Variants in FXN observed in about 807,000 individuals in gnomAD.
FXN encodes the protein frataxin.
Under a neutral mutation model 22.4 loss-of-function variants are expected in FXN, and 14 were observed. That is an observed-to-expected ratio of 0.62 (90% CI 0.41 to 0.98). The LOEUF (loss-of-function observed/expected upper bound fraction) is 0.98. Ranked by LOEUF, FXN falls within the 50% of genes least tolerant of loss-of-function variation. The probability of loss-of-function intolerance (pLI) is 0.00; values close to 1 mark genes in which losing one functional copy is unlikely to be tolerated. For synonymous variants in FXN, 120 were observed against 114.1 expected (o/e 1.05, Z -0.33); for missense variants, 267 against 268.4 (o/e 0.99, Z 0.04).
chr9:69,038,610 G>A (rs1465923173), intron 1 of FXN, among the ~76,000 whole-genome samples: 2 of 152,114 alleles, frequency 1.3e-5, no homozygotes, highest in African/African-American at 2.4e-5. Flanking sequence ...TGGATCATCT[G>A]AGATCAGGAG....
rs148219670 is a variant in FXN at position 69,076,579 on chromosome 9, T to C, written c.*3817T>C. The C allele has an allele frequency of 1.3e-4, 132 of 985,452 alleles. No homozygotes were observed. In the African/African-American group the frequency reaches 2.2e-3, roughly 17 times the overall value. 61.0% of individuals were successfully genotyped at this position (985,452 alleles called of 1,614,324 possible). On this transcript the variant is annotated 3_prime_UTR_variant, in exon 5 of 5. Transcript: ENST00000484259. ...TTTGCATTAAATTATAGGTTTACAATATGCTTTATCCAGCTATACCTGCCC... is the reference window on the plus strand; with the variant it reads ...TTTGCATTAAATTATAGGTTTACAACATGCTTTATCCAGCTATACCTGCCC...
Position 69,076,947 on chromosome 9 carries a change from C to T in FXN, c.*4185C>T. 2 of 977,298 alleles carry T rather than the reference C, an allele frequency of 2.0e-6. No homozygotes were observed. Among genetic ancestry groups the T allele is most frequent in the Non-Finnish European group, 2.4e-6 (2 of 822,568 alleles). The allele number at this position is 977,298 out of a possible 1,614,324, so 60.5% of individuals were successfully genotyped here. On this transcript the variant is annotated 3_prime_UTR_variant, in exon 5 of 5. Transcript: ENST00000484259. ...TTTTCTTTTTTGAGACAGAGTCTTG[C>T]TCTGTCACCCAGGCTGGAGTGCAGT...
At chr9:69,046,255 C>T in intron 1 of FXN, 130 bp from the exon 2 acceptor site, 1 of 727,676 alleles carries the variant, frequency 1.4e-6, no homozygotes. Flanking sequence ...AACATATTCC[C>T]TTTTTCTTAG....
intron 1 of FXN, among the ~76,000 whole-genome samples, chr9:69,043,736 A>G (rs1831697580): frequency 1.3e-5 from 2 of 152,164 alleles, no homozygotes; most frequent in South Asian, 2.1e-4. Flanking sequence ...GGCACATGTC[A>G]TCACGCCTTG....
chr9:69,072,176 G>A (rs1307983337), intron 4 of FXN, among the ~76,000 whole-genome samples: 1 of 152,194 alleles, frequency 6.6e-6, no homozygotes, highest in Non-Finnish European at 1.5e-5. Flanking sequence ...TGTACTAAAT[G>A]CCACCAAATT....
chr9:69,046,254 C>G, intron 1 of FXN, 131 bp from the exon 2 acceptor site: 1 of 720,050 alleles, frequency 1.4e-6, no homozygotes, highest in Admixed American at 2.1e-5. Flanking sequence ...CAACATATTC[C>G]CTTTTTCTTA....
intron 2 of FXN, among the ~76,000 whole-genome samples, chr9:69,050,152 T>C (rs1831824510): frequency 6.6e-6 from 1 of 152,240 alleles, no homozygotes; most frequent in Non-Finnish European, 1.5e-5. Flanking sequence ...AGTATAAACA[T>C]GTTTGTGTAT....
intron 2 of FXN, among the ~76,000 whole-genome samples, chr9:69,052,688 A>G (rs1018550331): frequency 2.0e-5 from 3 of 151,630 alleles, no homozygotes; most frequent in Admixed American, 6.6e-5. Context: ...GACTACAGGC[A>G]CCCGTCACCA....
chr9:69,078,475 C>G lies in FXN; in HGVS notation c.*5713C>G, dbSNP rs1252901120. On this transcript the variant is annotated 3_prime_UTR_variant, in exon 5 of 5. Coordinates refer to ENST00000484259, the MANE Select transcript of FXN (RefSeq NM_000144.5). ...TCTCTCAGCCCATCATCTAGCTACA[C>G]AGTCTCCAGGGTAAGCTTTCAGAAA... 1 of 984,458 alleles carries G rather than the reference C, an allele frequency of 1.0e-6. No individual in the cohort carries two copies. The highest frequency in any genetic ancestry group is 1.1e-4 in the East Asian group (1 of 8,764). The allele number at this position is 984,458 out of a possible 1,614,324, so 61.0% of individuals were successfully genotyped here.
intron 3 of FXN, among the ~76,000 whole-genome samples, chr9:69,063,147 C>A (rs1397338319): frequency 6.6e-6 from 1 of 152,102 alleles, no homozygotes; most frequent in East Asian, 1.9e-4. Flanking sequence ...TGCAGTGAGC[C>A]ATGATCCTGC....
rs972742267 is a variant in FXN at position 69,076,474 on chromosome 9, G to A, written c.*3712G>A. Reference sequence around the variant, plus strand: ...TTCTGATTCCCTGGAACCATTTATCGTGTGCCTTACCATGCTTATATTTTA... The same window carrying A: ...TTCTGATTCCCTGGAACCATTTATCATGTGCCTTACCATGCTTATATTTTA... On this transcript the variant is annotated 3_prime_UTR_variant, in exon 5 of 5. Transcript: ENST00000484259. The A allele has an allele frequency of 2.1e-5, 21 of 985,282 alleles. No individual in the cohort carries two copies. The highest frequency in any genetic ancestry group is 2.3e-4 in the East Asian group (2 of 8,824). The allele number at this position is 985,282 out of a possible 1,614,324, so 61.0% of individuals were successfully genotyped here. A position where few individuals can be genotyped will look rare whatever the true frequency, so the allele number is the denominator to read the frequency against.
intron 3 of FXN, among the ~76,000 whole-genome samples, chr9:69,063,923 A>G (rs377350163): frequency 5.9e-5 from 9 of 152,334 alleles, no homozygotes; most frequent in African/African-American, 2.2e-4. Flanking sequence ...GGCTCAAGCC[A>G]TCTGCCTGCC....
intron 2 of FXN, among the ~76,000 whole-genome samples, chr9:69,051,898 A>G (rs1831855598): frequency 6.6e-6 from 1 of 152,152 alleles, no homozygotes; most frequent in Non-Finnish European, 1.5e-5. Flanking sequence ...CCCAGGCTGG[A>G]GTGCAGTGGT....
At chr9:69,050,817 G>C (rs1472280973) in intron 2 of FXN, among the ~76,000 whole-genome samples, 1 of 142,004 alleles carries the variant, frequency 7.0e-6, no homozygotes, top group South Asian at 2.2e-4. Context: ...TTTTGCTCTT[G>C]TTGCCCAGGC....
At position 69,055,594 on chromosome 9, in the gene FXN, A is replaced by C. The variant is rs567452359; in HGVS notation, c.384+2334A>C. Among the ~76,000 whole-genome samples the C allele has an allele frequency of 3.0e-3, 455 of 150,888 alleles. 1 individual carries two copies. Among genetic ancestry groups the C allele is most frequent in the Non-Finnish European group, 5.1e-3 (347 of 67,760 alleles). ...CTGCAACCTCTGCCTCCCAGGTTCA[A>C]GCGATTCTCCCGCCTCAACCTCCTG... On this transcript the variant is annotated intron_variant, in intron 3 of 4. Coordinates refer to ENST00000484259, the MANE Select transcript of FXN (RefSeq NM_000144.5).
At chr9:69,035,989 G>C (rs946078862) in intron 1 of FXN, 42 bp downstream of exon 1, 1 of 1,369,114 alleles carries the variant, frequency 7.3e-7, no homozygotes. Flanking sequence ...CGCACGCCGC[G>C]GGCCGCACGC....
intron 1 of FXN, 28 bp from the exon 2 acceptor site, chr9:69,046,357 T>C: frequency 2.0e-6 from 3 of 1,538,426 alleles, no homozygotes; most frequent in Non-Finnish European, 2.7e-6. Context: ...TGAAAAATAG[T>C]AACGTACTTC....
Position 69,075,782 on chromosome 9 carries a change from G to A in FXN, c.*3020G>A. On this transcript the variant is annotated 3_prime_UTR_variant, in exon 5 of 5. Transcript: ENST00000484259. ...ATCTCACTTTGGCACTCAGGCTGGA[G>A]GACAGTGGTACAATCAAAGCTCATG... is the stretch of plus-strand genomic sequence containing the variant. 1 of 885,576 alleles carries A rather than the reference G, an allele frequency of 1.1e-6. No individual in the cohort carries two copies. The highest frequency in any genetic ancestry group is 5.2e-5 in the South Asian group (1 of 19,250). 54.9% of individuals were successfully genotyped at this position (885,576 alleles called of 1,614,324 possible).
At chr9:69,052,898 C>T (rs1831879451) in intron 2 of FXN, among the ~76,000 whole-genome samples, 1 of 149,856 alleles carries the variant, frequency 6.7e-6, no homozygotes, top group Non-Finnish European at 1.5e-5. Flanking sequence ...CCTAACATTT[C>T]GAGAAGCTGA....
Sources: gnomAD v4.1 joint callset for allele counts (sites outside exome capture counted in the v4.1 genomes callset) on GRCh38, gnomAD v4.1.1 for gene constraint, MANE v1.5 for transcripts, NCBI Gene and HGNC (gene_info 2026-07-23, HGNC 2026-07-21) for gene names.